The following KAT5 variants were observed in gnomAD, a reference collection of about 807,000 sequenced individuals.
KAT5 encodes the protein lysine acetyltransferase 5.
In KAT5, 31 loss-of-function variants were observed where a neutral mutation model predicts 68.1. That is an observed-to-expected ratio of 0.46 (90% CI 0.34 to 0.61). KAT5 has a LOEUF of 0.61. Among genes scored for constraint, KAT5 ranks in the 20% least tolerant of loss-of-function variants. The probability of loss-of-function intolerance (pLI) is 0.01; values close to 1 mark genes in which losing one functional copy is unlikely to be tolerated. For missense variants in KAT5, 451 were observed against 725.5 expected (o/e 0.62, Z 4.35); for synonymous variants, 365 against 292.6 (o/e 1.25, Z -2.52).
At chr11:65,712,742 C>T (rs374033347) in intron 1 of KAT5, 24 bp from the exon 2 acceptor site, 210 of 1,613,122 alleles carry the variant, frequency 1.3e-4, no homozygotes, top group Non-Finnish European at 1.7e-4. Context: ...CTGTCTAAGG[C>T]CCCTGTCTAT....
intron 10 of KAT5, 184 bp downstream of exon 10, chr11:65,717,166 G>A (rs960485794): frequency 6.5e-5 from 40 of 611,268 alleles, no homozygotes; most frequent in Non-Finnish European, 1.1e-4. Context: ...CTGCTTATCT[G>A]GGGTAGGTTC....
chr11:65,715,770 T>G (rs1216730524), intron 8 of KAT5, among the ~76,000 whole-genome samples: 1 of 143,348 alleles, frequency 7.0e-6, no homozygotes, highest in Non-Finnish European at 1.5e-5. Flanking sequence ...AAAAAATAAA[T>G]AAATAAAAAG....
upstream of KAT5, chr11:65,712,211 C>T: frequency 2.9e-6 from 4 of 1,375,870 alleles, no homozygotes; most frequent in East Asian, 3.0e-5. Context: ...ACAGGGCGCT[C>T]GGTCCCGGAA....
At chr11:65,714,140 A>C in intron 6 of KAT5, 1 of 510,036 alleles carries the variant, frequency 2.0e-6, no homozygotes, top group African/African-American at 1.9e-5. Flanking sequence ...TTCTACTAGA[A>C]ATACAAAAAT....
chr11:65,718,738 G>A lies in KAT5; in HGVS notation c.1413G>A (p.Gln471=). 1 of 1,614,190 alleles carries A rather than the reference G, an allele frequency of 6.2e-7. No individual in the cohort carries two copies. The highest frequency in any genetic ancestry group is 1.3e-5 in the African/African-American group (1 of 75,054). Reference sequence around the variant, plus strand: ...AGTCGGAGAGCGGGGAGAGGCCACAGATCACCATCAAGTGAGCCTGGCGCT... The same window carrying A: ...AGTCGGAGAGCGGGGAGAGGCCACAAATCACCATCAAGTGAGCCTGGCGCT... ...GLKSESGERP[Q]ITINEISEIT... The change falls in exon 11 of 13, where the codon CAG becomes CAA. Residue 471 remains glutamine, a synonymous_variant. Coordinates refer to ENST00000341318, the MANE Select transcript of KAT5 (RefSeq NM_182710.3).
upstream of KAT5, chr11:65,712,092 G>A (rs1857035398): frequency 1.6e-5 from 9 of 575,818 alleles, no homozygotes; most frequent in East Asian, 3.1e-4. Context: ...CCTGAGGCTT[G>A]TAACACTCCG....
In KAT5 at chr11:65,714,526, C is replaced by T. The variant is rs779377159; in HGVS notation, c.722C>T (p.Ser241Leu). 3.7e-6 allele frequency: 6 copies of T among 1,614,182 alleles called. No individual in the cohort carries two copies. The highest frequency in any genetic ancestry group is 2.2e-5 in the East Asian group (1 of 44,884). Reference protein sequence around the residue: ...DSQDSSDGIPSAPRMTGSLVS... With the variant: ...DSQDSSDGIPLAPRMTGSLVS... Reference sequence around the variant, plus strand: ...CAGGACAGCTCTGATGGAATACCGTCAGCACCACGCATGACTGGCAGCCTG... The same window carrying T: ...CAGGACAGCTCTGATGGAATACCGTTAGCACCACGCATGACTGGCAGCCTG... The change falls in exon 7 of 13, where the codon TCA (serine) becomes TTA (leucine). Residue 241 changes from serine to leucine, a missense_variant. By Grantham distance (145) the Ser-to-Leu change is moderately radical. Around this residue, in one of 4 missense-constraint regions of KAT5, gnomAD observed 210 missense variants for 423.7 expected, o/e 0.50. Transcript: ENST00000341318.
In KAT5 at chr11:65,712,821, C is replaced by G. The variant is rs1857068073; in HGVS notation, c.234C>G (p.Val78=). The stretch of plus-strand genomic sequence containing the variant: ...TCAGTGGCCGGAAGCTTTTCTACGT[C>G]CATTACATTGACTGTGAGTTCTGGG... ...KDISGRKLFY[V]HYIDFNKRLD... Residue 78 remains valine (V), a synonymous_variant, in exon 2 of 13, where the codon GTC becomes GTG. Transcript: ENST00000341318. The G allele has an allele frequency of 6.2e-7, 1 of 1,614,038 alleles. No individual in the cohort carries two copies. Among genetic ancestry groups the G allele is most frequent in the Non-Finnish European group, 8.5e-7 (1 of 1,180,034 alleles).
intron 8 of KAT5, among the ~76,000 whole-genome samples, chr11:65,715,692 CAG>C (rs1326511829): frequency 6.6e-6 from 1 of 151,848 alleles, no homozygotes; most frequent in African/African-American, 2.4e-5. Flanking sequence ...ACCCAGGAGG[CAG>C]AGTTTGCAGT....
intron 8 of KAT5, chr11:65,715,134 C>T (rs1857151083): frequency 3.6e-6 from 2 of 558,656 alleles, no homozygotes; most frequent in Non-Finnish European, 3.2e-6. Context: ...CTCCCAGTGT[C>T]CTAAGTGTCA....
chr11:65,712,156 C>G, upstream of KAT5: 2 of 1,099,186 alleles, frequency 1.8e-6, no homozygotes, highest in Non-Finnish European at 2.4e-6. Context: ...GTCGCGGTGT[C>G]TCTCAAAGGT....
chr11:65,719,372 C>T lies in KAT5; in HGVS notation c.*191C>T, dbSNP rs1857319866. 1.4e-6 allele frequency: 1 copy of T among 692,954 alleles called. No homozygotes were observed. The highest frequency in any genetic ancestry group is 1.9e-5 in the South Asian group (1 of 52,388). 42.9% of individuals were successfully genotyped at this position (692,954 alleles called of 1,614,324 possible). A position where few individuals can be genotyped will look rare whatever the true frequency, so the allele number is the denominator to read the frequency against. On this transcript the variant is annotated 3_prime_UTR_variant, in exon 13 of 13. Coordinates refer to ENST00000341318, the MANE Select transcript of KAT5 (RefSeq NM_182710.3). The stretch of plus-strand genomic sequence containing the variant: ...GGCGAGCTCCGGGCTCAGACCAACT[C>T]CAAGGTCAGCTGGCCACAGGCCCAG...
At chr11:65,714,372 A>T in intron 6 of KAT5, 123 bp from the exon 7 acceptor site, 1 of 1,117,084 alleles carries the variant, frequency 9.0e-7, no homozygotes, top group South Asian at 1.5e-5. Context: ...GAAATTGGGG[A>T]TCATGGTACC....
chr11:65,713,496 G>C lies in KAT5; in HGVS notation c.533G>C (p.Arg178Pro). Reference sequence around the variant, plus strand: ...AGCTCCTGCCTGCAGCCCAACCACCGCTCAACGGTACCCTCAGCAATTCCA... The same window carrying C: ...AGCTCCTGCCTGCAGCCCAACCACCCCTCAACGGTACCCTCAGCAATTCCA... Reference protein sequence around the residue: ...SSSSCLQPNHRSTKRKVEVVS... With the variant: ...SSSSCLQPNHPSTKRKVEVVS... The change falls in exon 4 of 13, where the codon CGC becomes CCC. Residue 178 changes from arginine (R) to proline (P), a missense_variant. Arg to Pro is a moderately radical substitution (Grantham distance 103). Around this residue, in one of 4 missense-constraint regions of KAT5, gnomAD observed 135 missense variants for 173.4 expected, o/e 0.78. Transcript: ENST00000341318. 2.5e-6 allele frequency: 4 copies of C among 1,614,138 alleles called. No individual in the cohort carries two copies. Among genetic ancestry groups the C allele is most frequent in the East Asian group, 2.2e-5 (1 of 44,882 alleles).
chr11:65,716,696 C>T lies in KAT5; in HGVS notation c.1059C>T (p.Ala353=), dbSNP rs1280130424. 1 of 1,613,964 alleles carries T rather than the reference C, an allele frequency of 6.2e-7. No individual in the cohort carries two copies. Among genetic ancestry groups the T allele is most frequent in the Non-Finnish European group, 8.5e-7 (1 of 1,179,968 alleles). Reference sequence around the variant, plus strand: ...ATTCCCAGAACCTGTGTCTTTTGGCCAAGTGTTTCCTTGACCATAAGACAC... The same window carrying T: ...ATTCCCAGAACCTGTGTCTTTTGGCTAAGTGTTTCCTTGACCATAAGACAC... ...KSYSQNLCLL[A]KCFLDHKTLY... is the part of the protein sequence containing the mutation. The change falls in exon 9 of 13, where the codon GCC becomes GCT. Residue 353 remains alanine (A), a synonymous_variant. Transcript: ENST00000341318.
chr11:65,716,534 C>T (rs1232978697), intron 8 of KAT5, 133 bp from the exon 9 acceptor site: 3 of 848,680 alleles, frequency 3.5e-6, no homozygotes, highest in African/African-American at 3.4e-5. Flanking sequence ...GGGTCAGGCC[C>T]AGCCAGGGAA....
intron 6 of KAT5, chr11:65,714,183 A>G: frequency 1.9e-6 from 1 of 513,350 alleles, no homozygotes; most frequent in Non-Finnish European, 3.5e-6. Context: ...CCTGTAATCC[A>G]GCTCGGAAAG....
At position 65,719,399 on chromosome 11, in the gene KAT5, C is replaced by T; in HGVS notation, c.*218C>T. Reference sequence around the variant, plus strand: ...AAGGTCAGCTGGCCACAGGCCCAGGCCTCCTCTGAAGCAGGGACCAGAGGG... The same window carrying T: ...AAGGTCAGCTGGCCACAGGCCCAGGTCTCCTCTGAAGCAGGGACCAGAGGG... On this transcript the variant is annotated 3_prime_UTR_variant, in exon 13 of 13. Coordinates refer to ENST00000341318, the MANE Select transcript of KAT5 (RefSeq NM_182710.3). 1.6e-6 allele frequency: 1 copy of T among 627,928 alleles called. No individual in the cohort carries two copies. The highest frequency in any genetic ancestry group is 2.8e-6 in the Non-Finnish European group (1 of 362,554). The allele number at this position is 627,928 out of a possible 1,614,324, so 38.9% of individuals were successfully genotyped here. A position where few individuals can be genotyped will look rare whatever the true frequency, so the allele number is the denominator to read the frequency against.
chr11:65,712,128 C>T (rs1387464254), upstream of KAT5: 11 of 795,268 alleles, frequency 1.4e-5, no homozygotes, highest in Non-Finnish European at 1.7e-5. Context: ...CAGGGGCAGT[C>T]TTGCCCCTCG....
Sources: allele counts gnomAD v4.1 joint callset (sites outside exome capture counted in the v4.1 genomes callset), GRCh38; gene constraint gnomAD v4.1.1; regional missense constraint gnomAD v4.1.1; transcripts MANE v1.5; gene names NCBI Gene and HGNC (gene_info 2026-07-23, HGNC 2026-07-21).